Variants in GALNT9 observed in about 807,000 individuals in gnomAD.
GALNT9 encodes the protein GalNAc transferase 9.
A neutral mutation model predicts 63.1 loss-of-function variants in GALNT9; 47 were observed. That is an observed-to-expected ratio of 0.75 (90% CI 0.59 to 0.95). The LOEUF (loss-of-function observed/expected upper bound fraction) is 0.95, where lower values mean the gene tolerates loss of function less well. Ranked by LOEUF, GALNT9 falls within the 40% of genes least tolerant of loss-of-function variation. The pLI is 0.00. For missense variants in GALNT9, 829 were observed against 874.8 expected (o/e 0.95, Z 0.66); for synonymous variants, 396 against 365.7 (o/e 1.08, Z -0.94).
At chr12:132,219,028 G>A (rs1275619080) in intron 6 of GALNT9, among the ~76,000 whole-genome samples, 1 of 152,076 alleles carries the variant, frequency 6.6e-6, no homozygotes, top group Non-Finnish European at 1.5e-5. Context: ...CGCATTTTGA[G>A]CTCTCGGGGT....
At chr12:132,312,679 C>T (rs1417516399) in intron 1 of GALNT9, among the ~76,000 whole-genome samples, 22 of 152,350 alleles carry the variant, frequency 1.4e-4, no homozygotes, top group South Asian at 4.1e-4. Flanking sequence ...AACCCACACA[C>T]GGAGGATGGG....
chr12:132,243,516 A>T (rs1251091569), intron 6 of GALNT9, among the ~76,000 whole-genome samples: 2 of 150,206 alleles, frequency 1.3e-5, no homozygotes, highest in African/African-American at 2.5e-5. Flanking sequence ...TTGGGTTCGT[A>T]GGGGCAGCTC....
intron 1 of GALNT9, 69 bp downstream of exon 1, chr12:132,328,897 C>T (rs142649632): frequency 0.016 from 22,421 of 1,419,846 alleles, 207 homozygotes; most frequent in Non-Finnish European, 0.018. Flanking sequence ...CCGGCCTGAC[C>T]CATCGCGCCC....
At position 132,265,240 on chromosome 12, in the gene GALNT9, G is replaced by C. The variant is rs1299680205; in HGVS notation, c.420-2615C>G. 1.3e-5 allele frequency among the ~76,000 whole-genome samples: 2 copies of C among 152,296 alleles called. No homozygotes were observed. The highest frequency in any genetic ancestry group is 6.5e-5 in the Admixed American group (1 of 15,306). ...GTTCAGCCCCCAGCCTTGTCCTCCT[G>C]CGCTCCTGCTGGGGATGAGGGAGAG... On this transcript the variant is annotated intron_variant, in intron 2 of 10. Coordinates refer to ENST00000328957, the MANE Select transcript of GALNT9 (RefSeq NM_001122636.2). The surrounding 1 kb of genome is among the most constrained non-coding windows in gnomAD (Gnocchi z 5.3).
chr12:132,255,917 C>G (rs571828317), intron 5 of GALNT9, among the ~76,000 whole-genome samples: 39 of 152,248 alleles, frequency 2.6e-4, no homozygotes, highest in African/African-American at 9.1e-4. Flanking sequence ...GGCCCCATCT[C>G]GTTGCGGCTG....
In GALNT9 at chr12:132,196,427, C is replaced by G; in HGVS notation, c.*680G>C. On this transcript the variant is annotated 3_prime_UTR_variant, in exon 11 of 11. Transcript: ENST00000328957. ...TTAAAACAGGCAAGGGGCTGGGCTGCGGCAGGGCCCAGGTGCCTGGGAAAG... is the reference window on the plus strand; with the variant it reads ...TTAAAACAGGCAAGGGGCTGGGCTGGGGCAGGGCCCAGGTGCCTGGGAAAG... 1 of 985,134 alleles carries G rather than the reference C, an allele frequency of 1.0e-6. No homozygotes were observed. The highest frequency in any genetic ancestry group is 1.2e-6 in the Non-Finnish European group (1 of 829,616). The allele number at this position is 985,134 out of a possible 1,614,324, so 61.0% of individuals were successfully genotyped here. A position where few individuals can be genotyped will look rare whatever the true frequency, so the allele number is the denominator to read the frequency against.
intron 4 of GALNT9, 122 bp downstream of exon 4, chr12:132,260,826 C>T (rs1176486005): frequency 5.1e-5 from 68 of 1,335,466 alleles, no homozygotes; most frequent in Middle Eastern, 5.3e-4. Context: ...CTGAAGGCTA[C>T]GGCGAGTCTC....
chr12:132,328,060 CTAGTG>C (rs1379981612), intron 1 of GALNT9, among the ~76,000 whole-genome samples: 2 of 152,214 alleles, frequency 1.3e-5, no homozygotes, highest in Non-Finnish European at 2.9e-5. Flanking sequence ...GCCACACCAG[CTAGTG>C]ATGTAGGCAC....
Position 132,329,112 on chromosome 12 carries a change from T to G in GALNT9, c.92A>C (p.Gln31Pro). Residue 31 changes from glutamine (Q) to proline (P), a missense_variant, in exon 1 of 11, where the codon CAG (glutamine) becomes CCG (proline). Physicochemically the swap from Gln to Pro is moderately conservative, Grantham distance 76 (BLOSUM62 -1). Coordinates refer to ENST00000328957, the MANE Select transcript of GALNT9 (RefSeq NM_001122636.2). ...IVLFSVYCRLQGRSQELVRIV... is the reference protein window; with the variant it reads ...IVLFSVYCRLPGRSQELVRIV... The stretch of plus-strand genomic sequence containing the variant: ...GCGCACGAGCTCCTGGGAGCGGCCC[T>G]GCAGGCGGCAGTACACGGAGAACAG... The G allele has an allele frequency of 6.5e-7, 1 of 1,549,492 alleles. No homozygotes were observed. The highest frequency in any genetic ancestry group is 1.2e-5 in the South Asian group (1 of 84,032).
At chr12:132,239,593 CAGAG>C (rs1164532027) in intron 6 of GALNT9, among the ~76,000 whole-genome samples, 15 of 144,988 alleles carry the variant, frequency 1.0e-4, no homozygotes, top group African/African-American at 2.8e-4. Flanking sequence ...CACAGAGAGA[CAGAG>C]AGAGACACAC....
chr12:132,301,911 T>C (rs782328232), intron 1 of GALNT9, among the ~76,000 whole-genome samples: 3 of 152,228 alleles, frequency 2.0e-5, no homozygotes, highest in Non-Finnish European at 4.4e-5. Context: ...TAGAATTCAA[T>C]TGCAGTCGTA....
At chr12:132,287,645 C>T (rs1016287155) in intron 1 of GALNT9, among the ~76,000 whole-genome samples, 32 of 152,210 alleles carry the variant, frequency 2.1e-4, no homozygotes, top group South Asian at 1.7e-3. Flanking sequence ...CGGGGCAGGA[C>T]GGGGACCCCG....
chr12:132,229,207 C>T (rs1457687640), intron 6 of GALNT9, among the ~76,000 whole-genome samples: 2 of 152,362 alleles, frequency 1.3e-5, no homozygotes, highest in East Asian at 1.9e-4. Flanking sequence ...CACAGGTGGC[C>T]GCTCCGTGCA....
chr12:132,274,414 C>G (rs1217640048), intron 2 of GALNT9: 3 of 152,324 alleles, frequency 2.0e-5, no homozygotes, highest in African/African-American at 7.2e-5. Context: ...CCCACCAGAG[C>G]CCCGGCCTCC....
At chr12:132,223,029 C>T (rs1306681750) in intron 6 of GALNT9, among the ~76,000 whole-genome samples, 2 of 64,022 alleles carry the variant, frequency 3.1e-5, no homozygotes, top group African/African-American at 1.1e-4. Flanking sequence ...CTACACAACC[C>T]GTACCCCACA....
intron 1 of GALNT9, among the ~76,000 whole-genome samples, chr12:132,304,185 A>G (rs1177551736): frequency 7.7e-5 from 2 of 26,092 alleles, no homozygotes; most frequent in Non-Finnish European, 1.3e-4. Context: ...CCTCACCCAG[A>G]CACGCCCTCA....
intron 6 of GALNT9, chr12:132,240,638 C>A (rs2136899023): frequency 2.2e-6 from 1 of 449,158 alleles, no homozygotes; most frequent in Non-Finnish European, 4.4e-6. Context: ...CTATGGGCCT[C>A]GGACCTGCTC....
intron 1 of GALNT9, among the ~76,000 whole-genome samples, chr12:132,306,816 G>A (rs1021579281): frequency 3.3e-5 from 5 of 152,296 alleles, no homozygotes; most frequent in South Asian, 2.1e-4. Flanking sequence ...TCACTTCCGC[G>A]CACACCCGCC....
chr12:132,305,267 A>G (rs1460108298), intron 1 of GALNT9, among the ~76,000 whole-genome samples: 1 of 44,844 alleles, frequency 2.2e-5, no homozygotes, highest in African/African-American at 1.3e-4. Context: ...ACACACCCTC[A>G]CCGGGGCACA....
Sources: gnomAD v4.1 joint callset for allele counts (sites outside exome capture counted in the v4.1 genomes callset) on GRCh38, gnomAD v4.1.1 for gene constraint, Gnocchi (gnomAD v3.1) non-coding constraint, MANE v1.5 for transcripts, NCBI Gene and HGNC (gene_info 2026-07-23, HGNC 2026-07-21) for gene names.